Variants in MCAT observed in about 807,000 individuals in gnomAD.
MCAT encodes malonyl-CoA-acyl carrier protein transacylase.
Under a neutral mutation model 22.9 loss-of-function variants are expected in MCAT, and 22 were observed. That is an observed-to-expected ratio of 0.96 (90% confidence interval 0.69 to 1.37). The LOEUF is 1.37. MCAT is among the 40% of genes most tolerant of loss of function. The pLI is 0.00. For missense variants in MCAT, 534 were observed against 533.6 expected, an observed-to-expected ratio of 1.00 and a Z score of -0.01; for synonymous variants, 240 against 233.9, an observed-to-expected ratio of 1.03 and a Z score of -0.24.
Position 43,143,088 on chromosome 22 carries a change from G to A in MCAT, c.261C>T (p.Val87=), listed in dbSNP as rs760068467. 3 of 1,607,230 alleles carry A rather than the reference G, an allele frequency of 1.9e-6. No homozygotes were observed. In the South Asian group the frequency reaches 3.3e-5, roughly 18 times the overall value. ...GGCGGGCGGCGGCGTAGAGTTCGCG[G>A]ACGCGCGGGTAGTTGAGCAGACCGC... ...MGRGLLNYPR[V]RELYAAARRV... Residue 87 remains valine (V), a synonymous_variant, in exon 1 of 4, where the codon GTC becomes GTT. Transcript: ENST00000290429.
intron 3 of MCAT, among the ~76,000 whole-genome samples, chr22:43,135,140 G>C (rs968214322): frequency 2.0e-5 from 3 of 152,250 alleles, no homozygotes; most frequent in Admixed American, 6.5e-5. Flanking sequence ...TCAGTTGTTG[G>C]AAAGGGGCTT....
chr22:43,142,598 A>T (rs2147038734), intron 1 of MCAT, among the ~76,000 whole-genome samples: 1 of 151,802 alleles, frequency 6.6e-6, no homozygotes, highest in South Asian at 2.1e-4. Context: ...CATCCTGACT[A>T]ACACGATGAA....
At chr22:43,134,085 CTCCTT>C (rs1214214497) in intron 3 of MCAT, among the ~76,000 whole-genome samples, 2 of 152,222 alleles carry the variant, frequency 1.3e-5, no homozygotes, top group Non-Finnish European at 2.9e-5. Context: ...AATTCTATCA[CTCCTT>C]TCATAATTTT....
intron 3 of MCAT, among the ~76,000 whole-genome samples, chr22:43,135,516 A>C (rs907743971): frequency 1.3e-5 from 2 of 150,520 alleles, no homozygotes; most frequent in Admixed American, 6.6e-5. Flanking sequence ...AAAACAAAAA[A>C]AAAAAAAAAA....
chr22:43,133,333 C>G lies in MCAT; in HGVS notation c.883G>C (p.Val295Leu), dbSNP rs1039456894. Reference protein sequence around the residue: ...LKAVDIKKPLVSVYSNVHAHR... With the variant: ...LKAVDIKKPLLSVYSNVHAHR... ...GCGTGGACGTTGGAGTAGACAGAAA[C>G]CAGAGGCTTCTTAATGTCGACTGCC... The change falls in exon 4 of 4, where the codon GTT becomes CTT. Residue 295 changes from valine (V) to leucine (L), a missense_variant. By Grantham distance (32) the Val-to-Leu change is conservative. Transcript: ENST00000290429. The G allele has an allele frequency of 6.2e-7, 1 of 1,614,046 alleles. No homozygotes were observed. Among genetic ancestry groups the G allele is most frequent in the African/African-American group, 1.3e-5 (1 of 74,904 alleles).
intron 3 of MCAT, 21 bp from the exon 4 acceptor site, chr22:43,133,507 C>A (rs368907886): frequency 8.2e-6 from 13 of 1,578,670 alleles, no homozygotes; most frequent in Non-Finnish European, 1.1e-5. Flanking sequence ...AAGGAGGTTT[C>A]AGCCGAGCAA....
chr22:43,139,223 T>C (rs1468883043), intron 2 of MCAT, among the ~76,000 whole-genome samples: 1 of 151,500 alleles, frequency 6.6e-6, no homozygotes. Flanking sequence ...CTATGTAAAA[T>C]GTCAAGGGAA....
intron 2 of MCAT, among the ~76,000 whole-genome samples, chr22:43,138,598 G>A (rs369657635): frequency 1.4e-4 from 21 of 152,264 alleles, no homozygotes; most frequent in Admixed American, 3.3e-4. Context: ...TTAGCCGGGC[G>A]TGGCAGTGTG....
chr22:43,140,898 G>A (rs1432173092), intron 2 of MCAT: 2 of 448,784 alleles, frequency 4.5e-6, no homozygotes, highest in Non-Finnish European at 8.1e-6. Context: ...TGCAGGTGCT[G>A]CAGGTATGAG....
rs879516076 is a variant in MCAT at position 43,137,288 on chromosome 22, T to C, written c.522A>G (p.Ala174=). 3 of 1,613,900 alleles carry C rather than the reference T, an allele frequency of 1.9e-6. No individual in the cohort carries two copies. The highest frequency in any genetic ancestry group is 1.1e-5 in the South Asian group (1 of 91,080). The change falls in exon 3 of 4, where the codon GCA becomes GCG. Residue 174 remains alanine, a synonymous_variant. Coordinates refer to ENST00000290429, the MANE Select transcript of MCAT (RefSeq NM_173467.5). ...GAMEFAEGLY[A]VKIRAEAMQE... is the part of the protein sequence containing the mutation. ...GCATGGCCTCAGCTCGGATTTTCACTGCATACAAACCTGGCCAGAGAGAAG... is the reference window on the plus strand; with the variant it reads ...GCATGGCCTCAGCTCGGATTTTCACCGCATACAAACCTGGCCAGAGAGAAG...
chr22:43,138,887 T>G (rs1009989228), intron 2 of MCAT, among the ~76,000 whole-genome samples: 2 of 152,188 alleles, frequency 1.3e-5, no homozygotes, highest in Non-Finnish European at 2.9e-5. Flanking sequence ...CAGAGAGGTC[T>G]AAGGAGCAAA....
rs1378776633 is a variant in MCAT at position 43,132,410 on chromosome 22, C to T, written c.*633G>A. ...AGTCGCCCTCCCTACCTGGCACTCCCCACACCCCGCACCTCACTCAAGGAC... is the reference window on the plus strand; with the variant it reads ...AGTCGCCCTCCCTACCTGGCACTCCTCACACCCCGCACCTCACTCAAGGAC... On this transcript the variant is annotated 3_prime_UTR_variant, in exon 4 of 4. Coordinates refer to ENST00000290429, the MANE Select transcript of MCAT (RefSeq NM_173467.5). The T allele has an allele frequency of 6.5e-6, 1 of 153,006 alleles. No individual in the cohort carries two copies. Among genetic ancestry groups the T allele is most frequent in the Admixed American group, 6.5e-5 (1 of 15,346 alleles). 9.5% of individuals were successfully genotyped at this position (153,006 alleles called of 1,614,324 possible). A position where few individuals can be genotyped will look rare whatever the true frequency, so the allele number is the denominator to read the frequency against.
intron 2 of MCAT, among the ~76,000 whole-genome samples, chr22:43,140,117 A>G (rs1373751748): frequency 6.6e-6 from 1 of 152,182 alleles, no homozygotes; most frequent in Non-Finnish European, 1.5e-5. Context: ...CATGTCCACT[A>G]TGTAGGCACT....
chr22:43,139,727 G>A (rs932257861), intron 2 of MCAT, among the ~76,000 whole-genome samples: 3 of 151,818 alleles, frequency 2.0e-5, no homozygotes, highest in Non-Finnish European at 4.4e-5. Flanking sequence ...ACAGGTGCAC[G>A]CCACCACACC....
intron 1 of MCAT, among the ~76,000 whole-genome samples, chr22:43,142,062 C>T (rs769669508): frequency 8.5e-5 from 13 of 152,244 alleles, no homozygotes; most frequent in Non-Finnish European, 5.9e-5. Context: ...TTTAATATCC[C>T]TGAGTCTGCA....
chr22:43,141,692 C>T (rs982180981), intron 1 of MCAT, among the ~76,000 whole-genome samples: 2 of 152,190 alleles, frequency 1.3e-5, no homozygotes, highest in Non-Finnish European at 2.9e-5. Context: ...CTGCCTCAGC[C>T]TCCCGAGTTG....
chr22:43,137,287 C>G lies in MCAT; in HGVS notation c.523G>C (p.Val175Leu). The G allele has an allele frequency of 3.1e-6, 5 of 1,613,944 alleles. No homozygotes were observed. The highest frequency in any genetic ancestry group is 4.2e-6 in the Non-Finnish European group (5 of 1,179,970). The change falls in exon 3 of 4, where the codon GTG becomes CTG. Residue 175 changes from valine (V) to leucine (L), a missense_variant. Transcript: ENST00000290429. Reference protein sequence around the residue: ...AMEFAEGLYAVKIRAEAMQEA... With the variant: ...AMEFAEGLYALKIRAEAMQEA... ...TGCATGGCCTCAGCTCGGATTTTCACTGCATACAAACCTGGCCAGAGAGAA... is the reference window on the plus strand; with the variant it reads ...TGCATGGCCTCAGCTCGGATTTTCAGTGCATACAAACCTGGCCAGAGAGAA...
chr22:43,141,312 G>A, intron 1 of MCAT, 63 bp from the exon 2 acceptor site: 1 of 1,395,878 alleles, frequency 7.2e-7, no homozygotes, highest in Non-Finnish European at 1.0e-6. Context: ...CCAGGGCTCT[G>A]TACCTGAGAG....
Position 43,143,160 on chromosome 22 carries a change from G to C in MCAT, c.189C>G (p.Ser63=), listed in dbSNP as rs200589055. ...TGCCCTGGCCCGGGAAGAGCAGCAC[G>C]GAGCACTGGCCCGGCATTCGCCGCT... ...ATERRMPGQC[S]VLLFPGQGSQ... The change falls in exon 1 of 4, where the codon TCC becomes TCG. Residue 63 remains serine, a synonymous_variant. Coordinates refer to ENST00000290429, the MANE Select transcript of MCAT (RefSeq NM_173467.5). The C allele has an allele frequency of 3.0e-3, 4,656 of 1,576,242 alleles. 12 individuals are homozygous for C. Among genetic ancestry groups the C allele is most frequent in the Non-Finnish European group, 3.7e-3 (4,346 of 1,168,858 alleles).
Sources: allele counts gnomAD v4.1 joint callset (sites outside exome capture counted in the v4.1 genomes callset), GRCh38; gene constraint gnomAD v4.1.1; transcripts MANE v1.5; gene names NCBI Gene and HGNC (gene_info 2026-07-23, HGNC 2026-07-21).